Variants in PCDHGA4 observed in about 807,000 individuals in gnomAD.
The protein encoded by PCDHGA4 is protocadherin gamma-A4.
PCDHGA4 carries 38 observed loss-of-function variants against 54.6 expected under a neutral mutation model. That is an observed-to-expected ratio of 0.70 (90% CI 0.54 to 0.91). The LOEUF is 0.91. PCDHGA4 is among the 40% of genes least tolerant of loss of function. PCDHGA4 has a pLI of 0.00. For synonymous variants in PCDHGA4, 511 were observed against 512.9 expected, an observed-to-expected ratio of 1.00 and a Z score of 0.05; for missense variants, 1,298 against 1,220.9, an observed-to-expected ratio of 1.06 and a Z score of -0.94.
intron 1 of PCDHGA4, chr5:141,419,337 C>A (rs1283848400): frequency 6.2e-7 from 1 of 1,613,906 alleles, no homozygotes; most frequent in South Asian, 1.1e-5. Flanking sequence ...TCTCTCATTG[C>A]CAGCGACCTG....
chr5:141,391,264 G>T (rs1427432631), intron 1 of PCDHGA4: 1 of 151,768 alleles, frequency 6.6e-6, no homozygotes, highest in Non-Finnish European at 1.5e-5. Context: ...TCAGTTAATG[G>T]CCACTTTACA....
In PCDHGA4 at chr5:141,457,578, C is replaced by T. The variant is rs538068150; in HGVS notation, c.2515-37229C>T. Among the ~76,000 whole-genome samples, 38 of 152,304 alleles carry T rather than the reference C, an allele frequency of 2.5e-4. No individual in the cohort carries two copies. The South Asian group carries it at 7.7e-3, about 31-fold the overall frequency. ...AGCTTTGGAGCAAAATTTTTCTCTC[C>T]AGTCCTCATTTTTGGTAAAAACTAA... On this transcript the variant is annotated intron_variant, in intron 1 of 3. Coordinates refer to ENST00000571252, the MANE Select transcript of PCDHGA4 (RefSeq NM_018917.4).
chr5:141,362,397 G>T (rs778703789), intron 1 of PCDHGA4: 1 of 1,613,898 alleles, frequency 6.2e-7, no homozygotes, highest in African/African-American at 1.3e-5. Flanking sequence ...CCTACAACCT[G>T]TGTGTTGCCT....
At chr5:141,403,300 G>C (rs1469024873) in intron 1 of PCDHGA4, 4 of 1,613,892 alleles carry the variant, frequency 2.5e-6, no homozygotes, top group Non-Finnish European at 3.4e-6. Context: ...GAGTGAAACT[G>C]TACGGAATAG....
chr5:141,410,561 G>T (rs201832666), intron 1 of PCDHGA4: 171 of 1,612,580 alleles, frequency 1.1e-4, no homozygotes, highest in Admixed American at 2.7e-4. Context: ...TTCTCCTGGA[G>T]CCTTAATTCC....
intron 1 of PCDHGA4, chr5:141,372,959 A>T: frequency 1.4e-6 from 1 of 715,196 alleles, no homozygotes; most frequent in Non-Finnish European, 2.2e-6. Context: ...AATTCTTTGT[A>T]GAATTTCCTG....
At chr5:141,434,536 T>C (rs1037347477) in intron 1 of PCDHGA4, among the ~76,000 whole-genome samples, 7 of 152,186 alleles carry the variant, frequency 4.6e-5, no homozygotes, top group Non-Finnish European at 8.8e-5. Context: ...CCACAAACAA[T>C]AGCATGAGTG....
At chr5:141,364,907 G>A (rs779210025) in intron 1 of PCDHGA4, 37 of 1,613,968 alleles carry the variant, frequency 2.3e-5, no homozygotes, top group Non-Finnish European at 3.1e-5. Flanking sequence ...AAAGTATCCG[G>A]AGCTGGTGTT....
chr5:141,381,988 C>A (rs1777837622), intron 1 of PCDHGA4, among the ~76,000 whole-genome samples: 1 of 151,770 alleles, frequency 6.6e-6, no homozygotes, highest in South Asian at 2.1e-4. Flanking sequence ...CGCCACCACG[C>A]CCGGATAATT....
At chr5:141,510,810 A>G (rs1455434913) in intron 3 of PCDHGA4, 137 bp from the exon 4 acceptor site, 19 of 1,519,650 alleles carry the variant, frequency 1.3e-5, no homozygotes, top group Admixed American at 2.0e-5. Flanking sequence ...TACCTTGGTG[A>G]CCCCTATATT....
intron 1 of PCDHGA4, chr5:141,383,947 A>T (rs757638644): frequency 6.2e-7 from 1 of 1,613,788 alleles, no homozygotes; most frequent in Non-Finnish European, 8.5e-7. Context: ...AGTGACTATG[A>T]CGTCTTTAAG....
At chr5:141,408,563 G>T (rs1266893654) in intron 1 of PCDHGA4, 1 of 1,614,040 alleles carries the variant, frequency 6.2e-7, no homozygotes, top group South Asian at 1.1e-5. Flanking sequence ...TCATGTCATT[G>T]TGGTGATTGA....
chr5:141,453,732 C>T (rs182118864), intron 1 of PCDHGA4, among the ~76,000 whole-genome samples: 9 of 152,332 alleles, frequency 5.9e-5, no homozygotes. Context: ...TTTGTTACTA[C>T]AGCTTAAATA....
Position 141,489,363 on chromosome 5 carries a change from G to A in PCDHGA4, c.2515-5444G>A, listed in dbSNP as rs767837736. On this transcript the variant is annotated intron_variant, in intron 1 of 3. Transcript: ENST00000571252. This position sits in a 1 kb window ranked among gnomAD's most constrained non-coding sequence, Gnocchi z 4.5. ...ACTCAGTGGTGGAGGAGTCTGAGCC[G>A]GGGACGCTGGTGGGGAATGTTGCTC... 46 of 1,613,114 alleles carry A rather than the reference G, an allele frequency of 2.9e-5. 1 individual carries two copies. In the South Asian group the frequency reaches 3.4e-4, roughly 12 times the overall value.
chr5:141,431,320 C>T lies in PCDHGA4; in HGVS notation c.2515-63487C>T. On this transcript the variant is annotated intron_variant, in intron 1 of 3. Coordinates refer to ENST00000571252, the MANE Select transcript of PCDHGA4 (RefSeq NM_018917.4). The surrounding 1 kb of genome is among the most constrained non-coding windows in gnomAD (Gnocchi z 4.8). ...CCCTCATCGTGCAAAATGGAGCCGA[C>T]GGTAGTAAGTACCCCGAATTGGTGC... is the stretch of plus-strand genomic sequence containing the variant. 1 of 1,614,102 alleles carries T rather than the reference C, an allele frequency of 6.2e-7. No homozygotes were observed. Among genetic ancestry groups the T allele is most frequent in the Non-Finnish European group, 8.5e-7 (1 of 1,180,038 alleles).
At position 141,358,718 on chromosome 5, in the gene PCDHGA4, G is replaced by A. The variant is rs546163361; in HGVS notation, c.2514+1097G>A. Among the ~76,000 whole-genome samples, 15 of 152,266 alleles carry A rather than the reference G, an allele frequency of 9.9e-5. No individual in the cohort carries two copies. In the South Asian group the frequency reaches 3.1e-3, roughly 32 times the overall value. On this transcript the variant is annotated intron_variant, in intron 1 of 3. Transcript: ENST00000571252. ...CTATTGAGACTTTCTTGATTTCCAA[G>A]GAAAATATAAGTTTTTGGAGTCTTT...
At position 141,487,444 on chromosome 5, in the gene PCDHGA4, T is replaced by G; in HGVS notation, c.2515-7363T>G. 1 of 1,614,194 alleles carries G rather than the reference T, an allele frequency of 6.2e-7. No individual in the cohort carries two copies. The highest frequency in any genetic ancestry group is 8.5e-7 in the Non-Finnish European group (1 of 1,180,040). ...TCCTCCGAATCCAGCTAGGGTCAGA[T>G]GACCCTATCAAGTTTGTTGATGTGG... On this transcript the variant is annotated intron_variant, in intron 1 of 3. Transcript: ENST00000571252. This position sits in a 1 kb window ranked among gnomAD's most constrained non-coding sequence, Gnocchi z 5.0.
At chr5:141,410,849 CTTTTTTTTTTTT>C (rs759346998) in intron 1 of PCDHGA4, 1 of 129,786 alleles carries the variant, frequency 7.7e-6, no homozygotes, top group East Asian at 2.3e-4. Flanking sequence ...TTGTCTTTGT[CTTTTTTTTTTTT>C]TTTTTTTTTT....
In PCDHGA4 at chr5:141,486,370, T is replaced by A; in HGVS notation, c.2515-8437T>A. On this transcript the variant is annotated intron_variant, in intron 1 of 3. Transcript: ENST00000571252. This position sits in a 1 kb window ranked among gnomAD's most constrained non-coding sequence, Gnocchi z 5.0. ...ACCACTTGCCATTTGCCCTCAAGTC[T>A]GCCTTCAGGAACCAGTTCTCCCTGG... 1 of 1,614,106 alleles carries A rather than the reference T, an allele frequency of 6.2e-7. No homozygotes were observed. The highest frequency in any genetic ancestry group is 8.5e-7 in the Non-Finnish European group (1 of 1,179,986).
Sources: allele counts gnomAD v4.1 joint callset (sites outside exome capture counted in the v4.1 genomes callset), GRCh38; gene constraint gnomAD v4.1.1; non-coding constraint Gnocchi (gnomAD v3.1); transcripts MANE v1.5; gene names NCBI Gene and HGNC (gene_info 2026-07-23, HGNC 2026-07-21).